STAG1: variants seen among roughly 807,000 people sequenced by gnomAD.
The protein encoded by STAG1 is STAG1 cohesin complex component.
A neutral mutation model predicts 170.9 loss-of-function variants in STAG1; 26 were observed. The observed-to-expected ratio is 0.15, with a 90% CI of 0.11 to 0.21. STAG1 has a LOEUF of 0.21. Ranked by LOEUF, STAG1 falls within the 10% of genes least tolerant of loss-of-function variation. The probability of loss-of-function intolerance (pLI) is 1.00; values close to 1 mark genes in which losing one functional copy is unlikely to be tolerated. For missense variants in STAG1, 964 were observed against 1,509.5 expected (o/e 0.64, Z 5.99); for synonymous variants, 514 against 497.7 (o/e 1.03, Z -0.44).
At chr3:136,453,055 A>C (rs969294013) in intron 13 of STAG1, among the ~76,000 whole-genome samples, 3 of 151,944 alleles carry the variant, frequency 2.0e-5, no homozygotes, top group Non-Finnish European at 2.9e-5. Flanking sequence ...CCTAAGTTCT[A>C]TTTTCCTAAA....
intron 5 of STAG1, among the ~76,000 whole-genome samples, chr3:136,547,136 T>C (rs1343592695): frequency 1.3e-5 from 2 of 152,212 alleles, no homozygotes; most frequent in Non-Finnish European, 2.9e-5. Context: ...TTAAAAAATA[T>C]GCTTTCTATT....
intron 14 of STAG1, among the ~76,000 whole-genome samples, chr3:136,451,717 C>A (rs1399724374): frequency 6.6e-6 from 1 of 151,466 alleles, no homozygotes; most frequent in Non-Finnish European, 1.5e-5. Flanking sequence ...GAGCCGAGAT[C>A]GCACCACTGT....
intron 1 of STAG1, among the ~76,000 whole-genome samples, chr3:136,717,385 C>A (rs544273642): frequency 6.6e-6 from 1 of 152,098 alleles, no homozygotes; most frequent in Non-Finnish European, 1.5e-5. Context: ...ATATGGAGGT[C>A]GGGTGTGGTG....
intron 1 of STAG1, among the ~76,000 whole-genome samples, chr3:136,670,424 TAAGAA>T (rs906118692): frequency 6.6e-6 from 1 of 152,190 alleles, no homozygotes; most frequent in Non-Finnish European, 1.5e-5. Context: ...AATCATTTTA[TAAGAA>T]AAGAACCAAA....
chr3:136,560,486 C>G (rs947912002), intron 5 of STAG1, among the ~76,000 whole-genome samples: 7 of 152,192 alleles, frequency 4.6e-5, no homozygotes, highest in Non-Finnish European at 7.3e-5. Context: ...TCTCTCATAA[C>G]TTATTCCAAT....
chr3:136,407,205 T>C (rs2087508862), intron 21 of STAG1, among the ~76,000 whole-genome samples: 1 of 152,164 alleles, frequency 6.6e-6, no homozygotes, highest in Admixed American at 6.5e-5. Flanking sequence ...TTTGTATTTT[T>C]AGTAAAGACA....
chr3:136,477,176 A>C (rs961322286), intron 10 of STAG1, 113 bp downstream of exon 10: 6 of 1,215,386 alleles, frequency 4.9e-6, no homozygotes, highest in Non-Finnish European at 6.7e-6. Flanking sequence ...ATCATCTTAA[A>C]ATTTCCACAT....
At chr3:136,490,175 G>T (rs973328670) in intron 9 of STAG1, among the ~76,000 whole-genome samples, 1 of 152,036 alleles carries the variant, frequency 6.6e-6, no homozygotes, top group African/African-American at 2.4e-5. Context: ...TGAGTAGCTG[G>T]GATTACAGGC....
rs1250740824 is a variant in STAG1 at position 136,440,111 on chromosome 3, ATCTTG to A, written c.1546+3171_1546+3175del. 5.9e-5 allele frequency among the ~76,000 whole-genome samples: 9 copies of A among 152,068 alleles called. No individual in the cohort carries two copies. The East Asian group carries it at 1.4e-3, about 23-fold the overall frequency. ...AAAGTTAACAATATCAAAGCAGACC[ATCTTG>A]TCTTGTCTTAATTTATATATTTATT... On this transcript the variant is annotated intron_variant, in intron 15 of 33. Transcript: ENST00000383202.
intron 4 of STAG1, among the ~76,000 whole-genome samples, chr3:136,581,782 T>A (rs572213553): frequency 1.1e-4 from 16 of 152,298 alleles, no homozygotes; most frequent in Admixed American, 2.0e-4. Flanking sequence ...GGAATTTTTT[T>A]ATGGAATACC....
intron 1 of STAG1, among the ~76,000 whole-genome samples, chr3:136,724,230 C>G (rs964017058): frequency 6.6e-6 from 1 of 152,004 alleles, no homozygotes; most frequent in African/African-American, 2.4e-5. Flanking sequence ...GAGGTAGACA[C>G]GGGAGACTTT....
intron 4 of STAG1, among the ~76,000 whole-genome samples, chr3:136,592,553 A>C (rs892463365): frequency 1.3e-5 from 2 of 152,130 alleles, no homozygotes; most frequent in African/African-American, 4.8e-5. Flanking sequence ...ACACTTGCCC[A>C]TATATTCAAC....
chr3:136,386,868 T>C (rs1462794400), intron 22 of STAG1, among the ~76,000 whole-genome samples: 3 of 152,130 alleles, frequency 2.0e-5, no homozygotes, highest in Non-Finnish European at 2.9e-5. Context: ...AAAAACTAAT[T>C]AGTAAACACA....
intron 1 of STAG1, among the ~76,000 whole-genome samples, chr3:136,638,481 A>AACC (rs1196398728): frequency 6.6e-6 from 1 of 152,176 alleles, no homozygotes; most frequent in East Asian, 1.9e-4. Context: ...CAGTTGTTGA[A>AACC]TTAAAAATAT....
intron 24 of STAG1, among the ~76,000 whole-genome samples, chr3:136,368,379 A>G (rs1021566377): frequency 2.6e-5 from 4 of 152,172 alleles, no homozygotes; most frequent in African/African-American, 9.7e-5. Flanking sequence ...GCATAGCACA[A>G]TTTTCACTAG....
At chr3:136,692,000 G>A (rs1007937883) in intron 1 of STAG1, among the ~76,000 whole-genome samples, 1 of 152,148 alleles carries the variant, frequency 6.6e-6, no homozygotes, top group African/African-American at 2.4e-5. Flanking sequence ...GAACAACAAG[G>A]ATAATGAAGA....
Position 136,338,373 on chromosome 3 carries a change from A to T in STAG1, c.3750T>A (p.Asp1250Glu), listed in dbSNP as rs765062646. 1.1e-5 allele frequency: 17 copies of T among 1,612,360 alleles called. No homozygotes were observed. In the East Asian group the frequency reaches 3.8e-4, roughly 36 times the overall value. The part of the protein sequence containing the change: ...FFDSAAIIED[D>E]SGFGMPMF The stretch of plus-strand genomic sequence containing the variant: ...GCAGTAATAATTTGACATTTACTGA[A>T]TCATCTTCTATGATAGCTGCAGAGT... Residue 1250 changes from aspartate to glutamate, a missense_variant, in exon 33 of 34, where the codon GAT becomes GAA. By Grantham distance (45) the Asp-to-Glu change is conservative. Transcript: ENST00000383202.
intron 10 of STAG1, among the ~76,000 whole-genome samples, chr3:136,475,776 T>C (rs1281438015): frequency 6.6e-6 from 1 of 152,200 alleles, no homozygotes; most frequent in Non-Finnish European, 1.5e-5. Flanking sequence ...CTGTAAAAAC[T>C]GTGAAGTTAA....
intron 5 of STAG1, among the ~76,000 whole-genome samples, chr3:136,564,704 G>A (rs1190102477): frequency 6.6e-6 from 1 of 151,926 alleles, no homozygotes; most frequent in Non-Finnish European, 1.5e-5. Context: ...AACTGTAAAG[G>A]TAGTCAAAAG....
Sources: allele counts gnomAD v4.1 joint callset (sites outside exome capture counted in the v4.1 genomes callset), GRCh38; gene constraint gnomAD v4.1.1; transcripts MANE v1.5; gene names NCBI Gene and HGNC (gene_info 2026-07-23, HGNC 2026-07-21).